Variants in UTP18 observed in about 807,000 individuals in gnomAD.
UTP18 encodes the protein UTP18 small subunit processome component.
In UTP18, 36 loss-of-function variants were observed where a neutral mutation model predicts 61.1. The observed-to-expected ratio is 0.59, with a 90% CI of 0.45 to 0.78. UTP18 has a LOEUF of 0.78. Ranked by LOEUF, UTP18 falls within the 30% of genes least tolerant of loss-of-function variation. The pLI is 0.00. For synonymous variants in UTP18, 282 were observed against 251.1 expected (o/e 1.12, Z -1.16); for missense variants, 753 against 693.9 (o/e 1.09, Z -0.96).
intron 9 of UTP18, among the ~76,000 whole-genome samples, chr17:51,283,448 G>C (rs1905015072): frequency 6.6e-6 from 1 of 151,674 alleles, no homozygotes; most frequent in Admixed American, 6.6e-5. Context: ...GATTATAGGT[G>C]TGAGCCACTG....
chr17:51,270,390 TC>T (rs1387356638), intron 4 of UTP18, among the ~76,000 whole-genome samples: 2 of 152,230 alleles, frequency 1.3e-5, no homozygotes, highest in Non-Finnish European at 2.9e-5. Flanking sequence ...CAGTTTGCCC[TC>T]CTGGATGAAA....
At chr17:51,273,147 A>T (rs1039649165) in intron 4 of UTP18, among the ~76,000 whole-genome samples, 3 of 151,510 alleles carry the variant, frequency 2.0e-5, no homozygotes, top group African/African-American at 7.3e-5. Context: ...TTAACTATGG[A>T]TGTTAAGCTT....
At chr17:51,280,152 T>C (rs1256877125) in intron 8 of UTP18, 47 bp downstream of exon 8, 4 of 1,558,704 alleles carry the variant, frequency 2.6e-6, no homozygotes, top group African/African-American at 1.4e-5. Context: ...AAGACACTAG[T>C]GTAGGGATAG....
chr17:51,294,021 A>C lies in UTP18; in HGVS notation c.1622A>C (p.Glu541Ala). The C allele has an allele frequency of 6.2e-7, 1 of 1,609,200 alleles. No homozygotes were observed. Among genetic ancestry groups the C allele is most frequent in the Non-Finnish European group, 8.5e-7 (1 of 1,177,898 alleles). The change falls in exon 12 of 14, where the codon GAA becomes GCA. Residue 541 changes from glutamate (E) to alanine (A), a missense_variant. Transcript: ENST00000225298. The stretch of plus-strand genomic sequence containing the variant: ...AGTGGATACTTTGCCTTGGGGAATG[A>C]AAAGGGCAAGGCCCTGATGTATAGG... ...PRSGYFALGN[E>A]KGKALMYRLH...
intron 11 of UTP18, among the ~76,000 whole-genome samples, chr17:51,290,461 G>A (rs73337638): frequency 6.6e-6 from 1 of 152,118 alleles, no homozygotes; most frequent in South Asian, 2.1e-4. Context: ...GAAAAAGAGT[G>A]TGAAAATTAC....
intron 9 of UTP18, among the ~76,000 whole-genome samples, chr17:51,281,166 T>A (rs911900285): frequency 8.1e-6 from 1 of 123,832 alleles, no homozygotes; most frequent in Non-Finnish European, 1.6e-5. Context: ...ATATATATAT[T>A]TTTTTTAAAC....
chr17:51,296,742 A>G, intron 12 of UTP18: 2 of 480,470 alleles, frequency 4.2e-6, no homozygotes, highest in South Asian at 3.2e-5. Context: ...TAGACCCCCC[A>G]TGTGAAACTT....
intron 7 of UTP18, 99 bp from the exon 8 acceptor site, chr17:51,279,906 T>G: frequency 1.0e-6 from 1 of 983,060 alleles, no homozygotes; most frequent in Middle Eastern, 3.2e-4. Context: ...TTTGAGCCAC[T>G]TACGTATTTT....
At position 51,277,141 on chromosome 17, in the gene UTP18, A is replaced by G; in HGVS notation, c.849A>G (p.Lys283=). 6.2e-7 allele frequency: 1 copy of G among 1,614,046 alleles called. No homozygotes were observed. Among genetic ancestry groups the G allele is most frequent in the Non-Finnish European group, 8.5e-7 (1 of 1,179,958 alleles). The part of the protein sequence containing the change: ...NAVSLFQVDG[K]TNPKIQSIYL... ...GTACTTCTTTATAGGTTGATGGGAA[A>G]ACAAATCCTAAAATTCAGAGCATCT... The change falls in exon 7 of 14, where the codon AAA becomes AAG. Residue 283 remains lysine (K), a synonymous_variant. Coordinates refer to ENST00000225298, the MANE Select transcript of UTP18 (RefSeq NM_016001.3).
At chr17:51,261,692 G>A (rs1056074418) in intron 1 of UTP18, among the ~76,000 whole-genome samples, 2 of 152,054 alleles carry the variant, frequency 1.3e-5, no homozygotes, top group African/African-American at 4.8e-5. Context: ...GTGCTGAAGA[G>A]AAAAAAGGAC....
At chr17:51,261,065 C>T in intron 1 of UTP18, 139 bp downstream of exon 1, 3 of 750,538 alleles carry the variant, frequency 4.0e-6, no homozygotes, top group South Asian at 4.7e-5. Context: ...AACGCGGGCG[C>T]GGAGGGTCGC....
chr17:51,293,068 C>T (rs1054780766), intron 11 of UTP18, among the ~76,000 whole-genome samples: 4 of 152,162 alleles, frequency 2.6e-5, no homozygotes, highest in African/African-American at 9.7e-5. Flanking sequence ...TAATTTTTTT[C>T]ACCATTTAAC....
chr17:51,280,925 C>G (rs1036816565), intron 9 of UTP18, among the ~76,000 whole-genome samples: 4 of 151,888 alleles, frequency 2.6e-5, no homozygotes, highest in African/African-American at 4.8e-5. Flanking sequence ...CGCCTGTAAT[C>G]CCAGCACTTT....
chr17:51,293,123 C>G (rs994672217), intron 11 of UTP18, among the ~76,000 whole-genome samples: 1 of 152,162 alleles, frequency 6.6e-6, no homozygotes, highest in East Asian at 1.9e-4. Flanking sequence ...TCCCTGTGAT[C>G]AGATTTTAGT....
intron 3 of UTP18, among the ~76,000 whole-genome samples, chr17:51,268,311 C>T (rs1174810478): frequency 1.3e-5 from 2 of 152,230 alleles, no homozygotes; most frequent in Non-Finnish European, 2.9e-5. Flanking sequence ...CAGGCGTGAG[C>T]CATGGCGCCC....
chr17:51,285,161 T>A, intron 9 of UTP18, 84 bp from the exon 10 acceptor site: 1 of 1,504,790 alleles, frequency 6.6e-7, no homozygotes, highest in Non-Finnish European at 9.2e-7. Context: ...CCTGTACTGT[T>A]AAGAGGGACT....
chr17:51,286,500 T>G, intron 10 of UTP18: 2 of 456,312 alleles, frequency 4.4e-6, no homozygotes, highest in Non-Finnish European at 8.8e-6. Flanking sequence ...CTGGGGAAAC[T>G]GCTTGTATAT....
chr17:51,260,839 G>A lies in UTP18; in HGVS notation c.255G>A (p.Pro85=). 2 of 1,599,202 alleles carry A rather than the reference G, an allele frequency of 1.3e-6. No homozygotes were observed. The highest frequency in any genetic ancestry group is 4.5e-5 in the East Asian group (2 of 44,080). ...GCCTGAGGCTGGAGGAGGACAAACC[G>A]GCCGTGGAGCGGTGCTTGGAGGAGC... ...RNRLRLEEDK[P]AVERCLEELV... Residue 85 remains proline (P), a synonymous_variant, in exon 1 of 14, where the codon CCG becomes CCA. Transcript: ENST00000225298.
At chr17:51,266,877 G>T (rs1200720080) in intron 3 of UTP18, among the ~76,000 whole-genome samples, 1 of 151,820 alleles carries the variant, frequency 6.6e-6, no homozygotes, top group Non-Finnish European at 1.5e-5. Context: ...ATATTTTTTT[G>T]AGGTAGGATC....
Sources: allele counts gnomAD v4.1 joint callset (sites outside exome capture counted in the v4.1 genomes callset), GRCh38; gene constraint gnomAD v4.1.1; transcripts MANE v1.5; gene names NCBI Gene and HGNC (gene_info 2026-07-23, HGNC 2026-07-21).